NUP98: variants seen among roughly 807,000 people sequenced by gnomAD.
The protein encoded by NUP98 is nucleoporin 98 and 96 precursor.
Under a neutral mutation model 191.9 loss-of-function variants are expected in NUP98, and 26 were observed. The observed-to-expected ratio is 0.14, with a 90% CI of 0.10 to 0.19. The LOEUF (loss-of-function observed/expected upper bound fraction) is 0.19. Ranked by LOEUF, NUP98 falls within the 10% of genes least tolerant of loss-of-function variation. The pLI, the probability that NUP98 is intolerant of heterozygous loss-of-function variation, is 1.00. For missense variants in NUP98, 1,941 were observed against 2,178.8 expected, an observed-to-expected ratio of 0.89 and a Z score of 2.17; for synonymous variants, 808 against 778.4, an observed-to-expected ratio of 1.04 and a Z score of -0.63.
chr11:3,773,146 T>C (rs1184732406), intron 6 of NUP98, among the ~76,000 whole-genome samples: 6 of 151,784 alleles, frequency 4.0e-5, no homozygotes, highest in Admixed American at 6.6e-5. Flanking sequence ...TCATGCCTGT[T>C]ATCCCAGCAC....
rs780323067 is a variant in NUP98, at chr11:3,699,283, C to T, written c.3808G>A (p.Asp1270Asn). The T allele has an allele frequency of 1.9e-5, 31 of 1,614,098 alleles. No individual in the cohort carries two copies. The highest frequency in any genetic ancestry group is 2.5e-5 in the Non-Finnish European group (29 of 1,180,048). ...TCACGGGGTTCATTTAGCTGGCTGT[C>T]AAGCTCCTTCAGGTGGCCCCATAGG... ...EALWGHLKEL[D>N]SQLNEPREYI... is the part of the protein sequence containing the mutation. Residue 1270 changes from aspartate to asparagine, a missense_variant, in exon 25 of 33, where the codon GAC (aspartate) becomes AAC (asparagine). Coordinates refer to ENST00000324932, the MANE Select transcript of NUP98 (RefSeq NM_016320.5).
chr11:3,679,050 G>A (rs1054120109), intron 31 of NUP98, among the ~76,000 whole-genome samples: 2 of 149,326 alleles, frequency 1.3e-5, no homozygotes, highest in Non-Finnish European at 3.0e-5. Flanking sequence ...TTAAGACTGG[G>A]AGGCAGAGGT....
intron 1 of NUP98, among the ~76,000 whole-genome samples, chr11:3,789,204 C>G (rs1240281094): frequency 6.6e-6 from 1 of 152,108 alleles, no homozygotes; most frequent in Non-Finnish European, 1.5e-5. Flanking sequence ...TATTTTTCAA[C>G]AGGTATTTTA....
At chr11:3,761,758 C>CA (rs1039514899) in intron 9 of NUP98, among the ~76,000 whole-genome samples, 16 of 151,518 alleles carry the variant, frequency 1.1e-4, no homozygotes, top group African/African-American at 1.9e-4. Context: ...GACTCCGTCT[C>CA]AAAAAAACAA....
rs751934334 is a variant in NUP98 at position 3,676,567 on chromosome 11, C to G, written c.5127G>C (p.Leu1709=). The G allele has an allele frequency of 5.0e-6, 8 of 1,614,198 alleles. No homozygotes were observed. In the South Asian group the frequency reaches 6.6e-5, roughly 13 times the overall value. The part of the protein sequence containing the change: ...LEQLHIKVTS[L]CSRIEQIQCY... ...ACTGAATCTGCTCTATCCGACTGCA[C>G]AGTGAAGTCACTTTGATGTGTAACT... Residue 1709 remains leucine, a synonymous_variant, in exon 32 of 33, where the codon CTG becomes CTC. Coordinates refer to ENST00000324932, the MANE Select transcript of NUP98 (RefSeq NM_016320.5).
At chr11:3,719,338 T>A in intron 18 of NUP98, 74 bp downstream of exon 18, 5 of 1,244,076 alleles carry the variant, frequency 4.0e-6, no homozygotes, top group Non-Finnish European at 5.7e-6. Flanking sequence ...AGCATACATC[T>A]AAACACATTT....
At chr11:3,712,242 C>T in intron 20 of NUP98, 1 of 1,119,754 alleles carries the variant, frequency 8.9e-7, no homozygotes, top group Non-Finnish European at 1.1e-6. Flanking sequence ...ATTTACTGTG[C>T]ATGAACCCAC....
intron 18 of NUP98, among the ~76,000 whole-genome samples, chr11:3,717,325 A>G (rs763364449): frequency 6.6e-6 from 1 of 152,218 alleles, no homozygotes; most frequent in Non-Finnish European, 1.5e-5. Flanking sequence ...CTAACTCATG[A>G]GTATGGTCTG....
chr11:3,676,651 A>G (rs749727847), intron 31 of NUP98, 31 bp from the exon 32 acceptor site: 1 of 1,526,744 alleles, frequency 6.5e-7, no homozygotes, highest in Non-Finnish European at 9.1e-7. Context: ...CAATTAATCC[A>G]AGGGGAGTTC....
At position 3,706,429 on chromosome 11, in the gene NUP98, T is replaced by C. The variant is rs202073240; in HGVS notation, c.2925+16A>G. 6.2e-7 allele frequency: 1 copy of C among 1,612,448 alleles called. No homozygotes were observed. On this transcript the variant is annotated intron_variant, in intron 21 of 32. Coordinates refer to ENST00000324932, the MANE Select transcript of NUP98 (RefSeq NM_016320.5). Reference sequence around the variant, plus strand: ...GTTTGGCTTTCTGTTACAAAAAAGGTGGGTTAGAACTTCACCTGTAAGACA... The same window carrying C: ...GTTTGGCTTTCTGTTACAAAAAAGGCGGGTTAGAACTTCACCTGTAAGACA...
At chr11:3,760,229 G>GT in intron 10 of NUP98, 1 of 376,396 alleles carries the variant, frequency 2.7e-6, no homozygotes, top group South Asian at 5.2e-5. Context: ...CTCATACAAT[G>GT]TGTTACTTAA....
rs1180892182 is a variant in NUP98 at position 3,779,254 on chromosome 11, G to A, written c.80C>T (p.Thr27Ile). The A allele has an allele frequency of 1.2e-6, 2 of 1,613,432 alleles. No individual in the cohort carries two copies. Among genetic ancestry groups the A allele is most frequent in the East Asian group, 2.2e-5 (1 of 44,890 alleles). ...CCCTCCACTAGTAGTGCCAAAGCCA[G>A]TATCTGAAAAAGCAAAATCCAGAGT... ...FGTTSTFGQN[T>I]GFGTTSGGAF... Residue 27 changes from threonine to isoleucine, a missense_variant, in exon 3 of 33, where the codon ACT (threonine) becomes ATT (isoleucine). Thr to Ile is a moderately conservative substitution (Grantham distance 89, BLOSUM62 -1). Coordinates refer to ENST00000324932, the MANE Select transcript of NUP98 (RefSeq NM_016320.5).
At chr11:3,740,576 A>G (rs541247420) in intron 12 of NUP98, among the ~76,000 whole-genome samples, 1 of 152,044 alleles carries the variant, frequency 6.6e-6, no homozygotes, top group East Asian at 1.9e-4. Context: ...TCTCCTAATC[A>G]CTGATGCTCA....
chr11:3,718,230 G>C (rs964309294), intron 18 of NUP98, among the ~76,000 whole-genome samples: 3 of 152,050 alleles, frequency 2.0e-5, no homozygotes, highest in African/African-American at 7.2e-5. Flanking sequence ...TGTGATTACT[G>C]AGTCAATCTC....
intron 11 of NUP98, among the ~76,000 whole-genome samples, chr11:3,752,162 T>C (rs1287494479): frequency 1.5e-5 from 2 of 131,830 alleles, no homozygotes; most frequent in Admixed American, 7.6e-5. Flanking sequence ...AAAAGGGAAA[T>C]TGAAAAAAAT....
At chr11:3,761,682 C>T (rs1036811115) in intron 9 of NUP98, among the ~76,000 whole-genome samples, 2 of 152,206 alleles carry the variant, frequency 1.3e-5, no homozygotes, top group East Asian at 3.9e-4. Context: ...TGCTTGAACC[C>T]GGGAGGCAGA....
chr11:3,692,333 A>C (rs2078340712), intron 27 of NUP98, among the ~76,000 whole-genome samples: 1 of 151,508 alleles, frequency 6.6e-6, no homozygotes, highest in African/African-American at 2.4e-5. Context: ...AAAAAAAAAA[A>C]ACAAAAAAAA....
At chr11:3,782,562 A>G (rs943357523) in intron 1 of NUP98, among the ~76,000 whole-genome samples, 2 of 149,282 alleles carry the variant, frequency 1.3e-5, no homozygotes, top group African/African-American at 5.0e-5. Flanking sequence ...ACCACCTAAA[A>G]AGCTAACATT....
chr11:3,765,071 G>A (rs141328283), intron 8 of NUP98, among the ~76,000 whole-genome samples: 1 of 152,162 alleles, frequency 6.6e-6, no homozygotes, highest in Non-Finnish European at 1.5e-5. Flanking sequence ...TGAATTATAA[G>A]AGTTATTTAT....
Sources: gnomAD v4.1 joint callset for allele counts (sites outside exome capture counted in the v4.1 genomes callset) on GRCh38, gnomAD v4.1.1 for gene constraint, MANE v1.5 for transcripts, NCBI Gene and HGNC (gene_info 2026-07-23, HGNC 2026-07-21) for gene names.